Variants in MAGI2 observed in about 807,000 individuals in gnomAD.
The protein encoded by MAGI2 is membrane associated guanylate kinase, WW and PDZ domain containing 2.
Under a neutral mutation model 133.3 loss-of-function variants are expected in MAGI2, and 35 were observed. The observed-to-expected ratio is 0.26, with a 90% CI of 0.20 to 0.35. MAGI2 has a LOEUF of 0.35. Ranked by LOEUF, MAGI2 falls within the 10% of genes least tolerant of loss-of-function variation. The pLI is 1.00. For missense variants in MAGI2, 1,636 were observed against 1,863.4 expected (o/e 0.88, Z 2.25); for synonymous variants, 729 against 710.6 (o/e 1.03, Z -0.41).
intron 1 of MAGI2, among the ~76,000 whole-genome samples, chr7:79,144,583 C>G (rs1193137260): frequency 2.0e-5 from 3 of 152,134 alleles, no homozygotes; most frequent in African/African-American, 7.2e-5. Context: ...ATAAATTACC[C>G]AGTTTCAGCT....
At chr7:78,770,412 G>T (rs373073894) in intron 2 of MAGI2, among the ~76,000 whole-genome samples, 2 of 152,158 alleles carry the variant, frequency 1.3e-5, no homozygotes, top group Non-Finnish European at 2.9e-5. Context: ...AGTCAATTAC[G>T]TGGGAAATAA....
intron 18 of MAGI2, among the ~76,000 whole-genome samples, chr7:78,131,110 G>C (rs1821516028): frequency 6.6e-6 from 1 of 152,194 alleles, no homozygotes; most frequent in Non-Finnish European, 1.5e-5. Flanking sequence ...GGGACTGCTG[G>C]GGTGCTCAAG....
chr7:78,032,008 A>ATT (rs1809631617), intron 21 of MAGI2, among the ~76,000 whole-genome samples: 8 of 57,344 alleles, frequency 1.4e-4, no homozygotes, highest in African/African-American at 4.7e-4. Context: ...AAGCCCCCCC[A>ATT]CTTTTTTTTT....
At chr7:78,490,821 T>C (rs939069333) in intron 5 of MAGI2, among the ~76,000 whole-genome samples, 10 of 151,964 alleles carry the variant, frequency 6.6e-5, no homozygotes, top group Non-Finnish European at 2.9e-5. Flanking sequence ...CATCTACCAA[T>C]GGACAAATTA....
chr7:79,244,521 C>T (rs1008966124), intron 1 of MAGI2, among the ~76,000 whole-genome samples: 7 of 152,036 alleles, frequency 4.6e-5, no homozygotes, highest in Admixed American at 2.0e-4. Flanking sequence ...GTAAAAACAC[C>T]GAGCAGAAGT....
chr7:78,721,398 G>T (rs1034342068), intron 2 of MAGI2, among the ~76,000 whole-genome samples: 2 of 151,962 alleles, frequency 1.3e-5, no homozygotes, highest in South Asian at 2.1e-4. Context: ...CTATTTGTAG[G>T]TTCCTTTAAA....
At chr7:78,607,375 T>C (rs1213085108) in intron 3 of MAGI2, among the ~76,000 whole-genome samples, 1 of 151,896 alleles carries the variant, frequency 6.6e-6, no homozygotes, top group Non-Finnish European at 1.5e-5. Flanking sequence ...TATGGTCTAG[T>C]GGTAGGGTCC....
intron 2 of MAGI2, among the ~76,000 whole-genome samples, chr7:78,920,598 G>A (rs1799147324): frequency 6.6e-6 from 1 of 152,044 alleles, no homozygotes; most frequent in Non-Finnish European, 1.5e-5. Flanking sequence ...TAGTCTCTAT[G>A]TTCTGTTACC....
chr7:78,735,019 A>T (rs1821714955), intron 2 of MAGI2, among the ~76,000 whole-genome samples: 1 of 152,194 alleles, frequency 6.6e-6, no homozygotes, highest in Admixed American at 6.5e-5. Flanking sequence ...GTTACGTATA[A>T]GTAGGTGGTA....
At chr7:79,097,208 A>G (rs1449569648) in intron 1 of MAGI2, among the ~76,000 whole-genome samples, 1 of 152,258 alleles carries the variant, frequency 6.6e-6, no homozygotes, top group Non-Finnish European at 1.5e-5. Flanking sequence ...CCTATTATAC[A>G]GATGAGGAAA....
chr7:78,631,313 T>C (rs2150964777), intron 2 of MAGI2, among the ~76,000 whole-genome samples: 1 of 152,280 alleles, frequency 6.6e-6, no homozygotes, highest in East Asian at 1.9e-4. Flanking sequence ...TGGCAAGTTC[T>C]ATGTCCCATA....
intron 16 of MAGI2, among the ~76,000 whole-genome samples, chr7:78,143,732 C>T (rs1433045512): frequency 3.9e-5 from 6 of 152,036 alleles, no homozygotes; most frequent in Admixed American, 3.9e-4. Context: ...CTAACCTGTC[C>T]ATATGCATAG....
In MAGI2 at chr7:78,127,399, T is replaced by C. The variant is rs1013955459; in HGVS notation, c.3221A>G (p.Lys1074Arg). The C allele has an allele frequency of 1.6e-5, 26 of 1,604,576 alleles. No individual in the cohort carries two copies. Among genetic ancestry groups the C allele is most frequent in the Non-Finnish European group, 1.8e-5 (21 of 1,179,788 alleles). ...GHENSYRSEV[K>R]ARQDVKPDIR... ...GTCTGGTTTCACATCTTGCCTTGCT[T>C]TCACTTCCGACCTGTAACTAAATCA... Residue 1074 changes from lysine (K) to arginine (R), a missense_variant, in exon 19 of 22, where the codon AAA becomes AGA. Lys to Arg is a conservative substitution (Grantham distance 26). Transcript: ENST00000354212.
intron 6 of MAGI2, among the ~76,000 whole-genome samples, chr7:78,455,774 T>C (rs987574074): frequency 2.0e-5 from 3 of 152,114 alleles, no homozygotes; most frequent in Non-Finnish European, 4.4e-5. Context: ...CCATATTAGG[T>C]GCTAAGTGCT....
At chr7:78,256,921 C>T (rs1045742285) in intron 9 of MAGI2, among the ~76,000 whole-genome samples, 5 of 152,108 alleles carry the variant, frequency 3.3e-5, no homozygotes, top group Non-Finnish European at 7.4e-5. Context: ...ATTCCATCTT[C>T]AGTGTAATTC....
intron 1 of MAGI2, among the ~76,000 whole-genome samples, chr7:79,291,970 G>C (rs1836522244): frequency 6.6e-6 from 1 of 151,800 alleles, no homozygotes; most frequent in Non-Finnish European, 1.5e-5. Context: ...TCATGATTAA[G>C]AAATTTTTTG....
chr7:79,374,146 G>A (rs1843227952), intron 1 of MAGI2, among the ~76,000 whole-genome samples: 1 of 152,008 alleles, frequency 6.6e-6, no homozygotes. Context: ...AAATATGTAT[G>A]TGAGTACTAT....
At chr7:79,186,879 C>A (rs1388166793) in intron 1 of MAGI2, among the ~76,000 whole-genome samples, 2 of 149,574 alleles carry the variant, frequency 1.3e-5, no homozygotes, top group Non-Finnish European at 3.0e-5. Flanking sequence ...CAGTTTATAT[C>A]ACATTAAACA....
intron 12 of MAGI2, among the ~76,000 whole-genome samples, chr7:78,189,735 C>A (rs1828031023): frequency 6.6e-6 from 1 of 152,192 alleles, no homozygotes; most frequent in South Asian, 2.1e-4. Flanking sequence ...GTTGTATCTG[C>A]TTATTGCTCC....
Sources: gnomAD v4.1 joint callset for allele counts (sites outside exome capture counted in the v4.1 genomes callset) on GRCh38, gnomAD v4.1.1 for gene constraint, MANE v1.5 for transcripts, NCBI Gene and HGNC (gene_info 2026-07-23, HGNC 2026-07-21) for gene names.